The following PCDHA8 variants were observed in gnomAD, a reference collection of about 807,000 sequenced individuals.
PCDHA8 encodes the protein protocadherin alpha-8.
In PCDHA8, 53 loss-of-function variants were observed where a neutral mutation model predicts 61.8. The ratio of observed to expected loss-of-function variants is 0.86; its 90% CI spans 0.69 to 1.08. The LOEUF is 1.08. Among genes scored for constraint, PCDHA8 ranks in the 50% least tolerant of loss-of-function variants. The probability of loss-of-function intolerance (pLI) is 0.00; values close to 1 mark genes in which losing one functional copy is unlikely to be tolerated. For missense variants in PCDHA8, 1,293 were observed against 1,245.0 expected (o/e 1.04, Z -0.58); for synonymous variants, 618 against 556.6 (o/e 1.11, Z -1.55).
chr5:140,848,724 G>T, intron 1 of PCDHA8: 5 of 1,592,662 alleles, frequency 3.1e-6, no homozygotes, highest in Non-Finnish European at 4.3e-6. Context: ...CCTTCTGGAG[G>T]TAAATCTGCA....
intron 1 of PCDHA8, among the ~76,000 whole-genome samples, chr5:140,873,773 G>A (rs1554166889): frequency 6.6e-6 from 1 of 152,120 alleles, no homozygotes; most frequent in Non-Finnish European, 1.5e-5. Context: ...CAATTCTCCT[G>A]CCTCAGCTTT....
At chr5:141,000,414 TATATA>T (rs1398508145) in intron 3 of PCDHA8, among the ~76,000 whole-genome samples, 89 of 99,526 alleles carry the variant, frequency 8.9e-4, no homozygotes, top group African/African-American at 1.6e-3. Context: ...TATATATATA[TATATA>T]TATTTTTTTT....
intron 1 of PCDHA8, among the ~76,000 whole-genome samples, chr5:140,881,802 G>A (rs1239090795): frequency 1.3e-5 from 2 of 152,182 alleles, no homozygotes; most frequent in Admixed American, 6.5e-5. Context: ...CCCAAAACGA[G>A]TGTCGAATAT....
At chr5:140,939,207 T>C (rs1013809748) in intron 1 of PCDHA8, among the ~76,000 whole-genome samples, 1 of 152,180 alleles carries the variant, frequency 6.6e-6, no homozygotes, top group Non-Finnish European at 1.5e-5. Context: ...GAATGTCACC[T>C]TCTTGCTGTC....
At chr5:140,966,695 CGGGCGTGGGGCACGGCT>C (rs2096039584) in intron 1 of PCDHA8, 1 of 1,358,374 alleles carries the variant, frequency 7.4e-7, no homozygotes. Flanking sequence ...AGGCGGGGCC[CGGGCGTGGGGCACGGCT>C]GGGGAAGCTG....
chr5:140,850,626 T>C (rs1554144591), intron 1 of PCDHA8: 1 of 1,598,444 alleles, frequency 6.3e-7, no homozygotes, highest in African/African-American at 1.3e-5. Flanking sequence ...GTCTAGCCTG[T>C]TGGTTCTCAC....
chr5:140,983,329 A>G (rs1359569826), intron 3 of PCDHA8, among the ~76,000 whole-genome samples: 8 of 152,228 alleles, frequency 5.3e-5, no homozygotes, highest in Admixed American at 6.5e-5. Flanking sequence ...TTCTTGCCCT[A>G]TCACTAAAGC....
At chr5:140,851,235 T>C (rs2041998909) in intron 1 of PCDHA8, 4 of 1,129,042 alleles carry the variant, frequency 3.5e-6, no homozygotes, top group Non-Finnish European at 4.5e-6. Flanking sequence ...CATTTATTTA[T>C]TGCTAAATGA....
rs781995177 is a variant in PCDHA8 at position 140,857,719 on chromosome 5, G to T, written c.2394+14004G>T. 3.8e-6 allele frequency: 6 copies of T among 1,597,526 alleles called. No homozygotes were observed. The South Asian group carries it at 5.5e-5, about 15-fold the overall frequency. The stretch of plus-strand genomic sequence containing the variant: ...CGCTGCAGGTGTTCGTGCTGGACGA[G>T]AACGACAACGCTCCCGCGCTGCTGG... On this transcript the variant is annotated intron_variant, in intron 1 of 3. Transcript: ENST00000531613.
intron 1 of PCDHA8, among the ~76,000 whole-genome samples, chr5:140,942,239 T>C (rs1554214876): frequency 6.6e-6 from 1 of 152,156 alleles, no homozygotes; most frequent in African/African-American, 2.4e-5. Context: ...AAATAAGATA[T>C]CCATATCATT....
intron 1 of PCDHA8, among the ~76,000 whole-genome samples, chr5:140,954,881 C>T (rs2095105725): frequency 6.6e-6 from 1 of 152,092 alleles, no homozygotes; most frequent in Non-Finnish European, 1.5e-5. Flanking sequence ...CCTAGCTTTT[C>T]TTCTAGGGTT....
chr5:140,867,947 C>T (rs1197822100), intron 1 of PCDHA8: 3 of 152,114 alleles, frequency 2.0e-5, no homozygotes, highest in East Asian at 1.9e-4. Context: ...TGAACTTCTG[C>T]TCCCAAACCC....
intron 1 of PCDHA8, among the ~76,000 whole-genome samples, chr5:140,947,497 T>A (rs1289449406): frequency 6.6e-6 from 1 of 151,724 alleles, no homozygotes; most frequent in Non-Finnish European, 1.5e-5. Flanking sequence ...ATAGGTCATT[T>A]AAATTTTCAT....
intron 1 of PCDHA8, chr5:140,929,499 C>T: frequency 1.0e-6 from 1 of 980,264 alleles, no homozygotes; most frequent in Non-Finnish European, 1.4e-6. Context: ...GAAGATTGCC[C>T]TAGGCCTCAA....
intron 1 of PCDHA8, chr5:140,968,494 C>G (rs782064203): frequency 1.2e-6 from 2 of 1,614,096 alleles, no homozygotes; most frequent in South Asian, 2.2e-5. Flanking sequence ...ATGACCATGC[C>G]CCTCACATTC....
intron 1 of PCDHA8, chr5:140,882,711 C>A: frequency 6.2e-7 from 1 of 1,614,160 alleles, no homozygotes; most frequent in Non-Finnish European, 8.5e-7. Flanking sequence ...TCTAGACCTC[C>A]GGAAACTCGA....
intron 1 of PCDHA8, chr5:140,849,440 A>G: frequency 6.3e-7 from 1 of 1,584,040 alleles, no homozygotes; most frequent in Non-Finnish European, 8.6e-7. Flanking sequence ...AAAGTAGAGC[A>G]CACAAGATCC....
intron 1 of PCDHA8, among the ~76,000 whole-genome samples, chr5:140,934,368 C>A (rs2089796426): frequency 6.6e-6 from 1 of 152,102 alleles, no homozygotes; most frequent in African/African-American, 2.4e-5. Context: ...TGCTTTGACT[C>A]CTTCTGTGGT....
chr5:140,928,981 G>A, intron 1 of PCDHA8: 1 of 1,613,802 alleles, frequency 6.2e-7, no homozygotes, highest in Non-Finnish European at 8.5e-7. Context: ...TTTATTTCTG[G>A]GGTGCTTACT....
Sources: allele counts gnomAD v4.1 joint callset (sites outside exome capture counted in the v4.1 genomes callset), GRCh38; gene constraint gnomAD v4.1.1; transcripts MANE v1.5; gene names NCBI Gene and HGNC (gene_info 2026-07-23, HGNC 2026-07-21).